Variants in WDHD1 observed in about 807,000 individuals in gnomAD.
The protein encoded by WDHD1 is WD repeat and HMG-box DNA-binding protein 1.
A neutral mutation model predicts 135.4 loss-of-function variants in WDHD1; 111 were observed. The observed-to-expected ratio is 0.82, with a 90% CI of 0.70 to 0.96. The LOEUF is 0.96. Ranked by LOEUF, WDHD1 falls within the 40% of genes least tolerant of loss-of-function variation. WDHD1 has a pLI of 0.00. For synonymous variants in WDHD1, 434 were observed against 439.0 expected, an observed-to-expected ratio of 0.99 and a Z score of 0.14; for missense variants, 1,351 against 1,336.3, an observed-to-expected ratio of 1.01 and a Z score of -0.17.
chr14:54,966,407 C>A (rs2041345624), intron 18 of WDHD1, 68 bp downstream of exon 18: 2 of 1,525,386 alleles, frequency 1.3e-6, no homozygotes, highest in South Asian at 2.6e-5. Context: ...AATGCACAGA[C>A]CTTTAAGAAA....
rs565096024 is a variant in WDHD1, at chr14:55,001,526, G to C, written c.694-534C>G. ...AATCCTCCTGCCTCAGCCTCTCAAA[G>C]TGCTGGGATTACAGGCATGAGCCAC... On this transcript the variant is annotated intron_variant, in intron 8 of 25. Transcript: ENST00000360586. Among the ~76,000 whole-genome samples the C allele has an allele frequency of 2.0e-5, 3 of 152,298 alleles. No homozygotes were observed. The East Asian group carries it at 5.8e-4, about 29-fold the overall frequency.
chr14:54,961,029 G>A (rs1224492831), intron 21 of WDHD1, among the ~76,000 whole-genome samples: 2 of 151,994 alleles, frequency 1.3e-5, no homozygotes, highest in African/African-American at 2.4e-5. Flanking sequence ...GGTCTCAAAC[G>A]TCTGGTCTCA....
intron 17 of WDHD1, among the ~76,000 whole-genome samples, chr14:54,966,857 G>C (rs572277171): frequency 1.3e-5 from 2 of 152,322 alleles, no homozygotes; most frequent in Non-Finnish European, 2.9e-5. Context: ...AATGCTCAGA[G>C]AATTTGGTAA....
At chr14:54,952,829 C>A (rs946839163) in intron 24 of WDHD1, among the ~76,000 whole-genome samples, 1 of 152,170 alleles carries the variant, frequency 6.6e-6, no homozygotes, top group Non-Finnish European at 1.5e-5. Context: ...CACACATCTA[C>A]AACCATCTGA....
intron 16 of WDHD1, among the ~76,000 whole-genome samples, chr14:54,975,597 C>T (rs1363135898): frequency 1.3e-5 from 2 of 152,212 alleles, no homozygotes; most frequent in Non-Finnish European, 2.9e-5. Flanking sequence ...GATCTGCCTG[C>T]CTTGCCCTCC....
intron 20 of WDHD1, 29 bp downstream of exon 20, chr14:54,962,709 T>C: frequency 6.2e-7 from 1 of 1,610,132 alleles, no homozygotes; most frequent in Non-Finnish European, 8.5e-7. Flanking sequence ...ATAGTTCTCA[T>C]GATTTATGGG....
At chr14:54,984,466 G>T (rs2041666276) in intron 15 of WDHD1, among the ~76,000 whole-genome samples, 1 of 152,188 alleles carries the variant, frequency 6.6e-6, no homozygotes, top group African/African-American at 2.4e-5. Flanking sequence ...CTGCACTCCA[G>T]CCTGGACAAC....
At chr14:54,951,093 G>C (rs373485755) in intron 24 of WDHD1, among the ~76,000 whole-genome samples, 1 of 152,030 alleles carries the variant, frequency 6.6e-6, no homozygotes, top group African/African-American at 2.4e-5. Flanking sequence ...AAGAACTAGA[G>C]AAGCAAGAGC....
rs1285347429 is a variant in WDHD1, at chr14:54,953,698, A to G, written c.3050+1863T>C. On this transcript the variant is annotated intron_variant, in intron 24 of 25. Coordinates refer to ENST00000360586, the MANE Select transcript of WDHD1 (RefSeq NM_007086.4). ...GTATGTTTATTGTGGCACTATTCAC[A>G]ATAGCAAAGACTTGGAACCAACCTA... 9.8e-5 allele frequency among the ~76,000 whole-genome samples: 15 copies of G among 152,302 alleles called. 2 individuals are homozygous for G. In the East Asian group the frequency reaches 1.5e-3, roughly 16 times the overall value.
intron 24 of WDHD1, among the ~76,000 whole-genome samples, chr14:54,945,252 T>C (rs1469090960): frequency 1.3e-5 from 2 of 152,204 alleles, no homozygotes; most frequent in Non-Finnish European, 2.9e-5. Flanking sequence ...CATTTGTACA[T>C]TTCATTAGAT....
chr14:55,004,157 A>G (rs7153937), intron 7 of WDHD1, among the ~76,000 whole-genome samples: 64,762 of 152,000 alleles, frequency 0.43, 15,608 homozygotes, highest in African/African-American at 0.66. Flanking sequence ...CTCATCATGT[A>G]GAAGCAAGCT....
intron 2 of WDHD1, among the ~76,000 whole-genome samples, chr14:55,020,607 G>C (rs542805700): frequency 6.6e-6 from 1 of 152,056 alleles, no homozygotes; most frequent in African/African-American, 2.4e-5. Context: ...ATGTTTATAA[G>C]GACAATTCTC....
intron 16 of WDHD1, among the ~76,000 whole-genome samples, chr14:54,979,078 T>A (rs1473954275): frequency 1.3e-5 from 2 of 152,098 alleles, no homozygotes; most frequent in East Asian, 3.9e-4. Flanking sequence ...TGCTATAGAG[T>A]CACCTAAGCT....
At chr14:55,014,520 AT>A (rs1165211583) in intron 2 of WDHD1, among the ~76,000 whole-genome samples, 2 of 152,272 alleles carry the variant, frequency 1.3e-5, no homozygotes, top group Admixed American at 1.3e-4. Context: ...AGAAACCTTA[AT>A]AAATGTTTGT....
intron 23 of WDHD1, 131 bp from the exon 24 acceptor site, chr14:54,955,825 G>T: frequency 3.8e-6 from 3 of 792,414 alleles, no homozygotes; most frequent in Non-Finnish European, 3.3e-6. Context: ...GAAATCTGGA[G>T]TTCTCAGTTG....
At chr14:55,012,116 G>GA (rs935144261) in intron 3 of WDHD1, among the ~76,000 whole-genome samples, 1 of 151,854 alleles carries the variant, frequency 6.6e-6, no homozygotes, top group Non-Finnish European at 1.5e-5. Flanking sequence ...ATCTTATGGG[G>GA]AAAAAAAATC....
chr14:54,967,583 A>G (rs902089838), intron 16 of WDHD1, among the ~76,000 whole-genome samples, 189 bp from the exon 17 acceptor site: 1 of 152,194 alleles, frequency 6.6e-6, no homozygotes, highest in African/African-American at 2.4e-5. Context: ...CTATCCCTAC[A>G]TGCATTTCAA....
At position 54,991,872 on chromosome 14, in the gene WDHD1, T is replaced by A. The variant is rs111772574; in HGVS notation, c.1154-472A>T. Among the ~76,000 whole-genome samples, 964 of 152,298 alleles carry A rather than the reference T, an allele frequency of 6.3e-3. 9 individuals carry two copies. The highest frequency in any genetic ancestry group is 0.022 in the African/African-American group (908 of 41,564). Reference sequence around the variant, plus strand: ...TAAACTACGGTTATGCAGAATTGGATCTTTGGCAAACATTTTCTTGTAAAT... The same window carrying A: ...TAAACTACGGTTATGCAGAATTGGAACTTTGGCAAACATTTTCTTGTAAAT... On this transcript the variant is annotated intron_variant, in intron 11 of 25. Coordinates refer to ENST00000360586, the MANE Select transcript of WDHD1 (RefSeq NM_007086.4).
intron 2 of WDHD1, among the ~76,000 whole-genome samples, chr14:55,021,294 C>T (rs2140233357): frequency 6.6e-6 from 1 of 152,298 alleles, no homozygotes; most frequent in African/African-American, 2.4e-5. Context: ...AATTTGTTTT[C>T]TGGCACTACT....
Sources: allele counts gnomAD v4.1 joint callset (sites outside exome capture counted in the v4.1 genomes callset), GRCh38; gene constraint gnomAD v4.1.1; transcripts MANE v1.5; gene names NCBI Gene and HGNC (gene_info 2026-07-23, HGNC 2026-07-21).